SUPT3H: variants seen among roughly 807,000 people sequenced by gnomAD.
SUPT3H encodes SPT3 homolog, SAGA and STAGA complex component.
A neutral mutation model predicts 44.3 loss-of-function variants in SUPT3H; 44 were observed. The observed-to-expected ratio is 0.99, with a 90% CI of 0.78 to 1.28. The LOEUF (loss-of-function observed/expected upper bound fraction) is 1.28, where lower values mean the gene tolerates loss of function less well. SUPT3H is among the 50% of genes most tolerant of loss of function. The pLI, the probability that SUPT3H is intolerant of heterozygous loss-of-function variation, is 0.00. For missense variants in SUPT3H, 380 were observed against 387.1 expected, an observed-to-expected ratio of 0.98 and a Z score of 0.15; for synonymous variants, 124 against 125.6, an observed-to-expected ratio of 0.99 and a Z score of 0.09.
intron 10 of SUPT3H, among the ~76,000 whole-genome samples, chr6:44,896,938 G>T (rs1185686206): frequency 6.6e-6 from 1 of 152,154 alleles, no homozygotes; most frequent in Non-Finnish European, 1.5e-5. Context: ...TTAGGGCACT[G>T]TGCCAAAGCG....
chr6:45,115,345 T>C (rs1009629342), intron 2 of SUPT3H, among the ~76,000 whole-genome samples: 14 of 152,148 alleles, frequency 9.2e-5, no homozygotes, highest in Non-Finnish European at 1.5e-4. Flanking sequence ...AAATATGGCA[T>C]ACTGCAACAA....
intron 6 of SUPT3H, among the ~76,000 whole-genome samples, chr6:45,003,210 C>T (rs189099138): frequency 0.018 from 2,671 of 152,204 alleles, 52 homozygotes; most frequent in South Asian, 0.086. Context: ...GGGTACTACC[C>T]TAGCTAGTAA....
chr6:45,322,015 T>C, intron 2 of SUPT3H: 2 of 601,064 alleles, frequency 3.3e-6, no homozygotes, highest in Non-Finnish European at 2.9e-6. Context: ...GAAGTTTTAA[T>C]ATTGTTAATA....
At chr6:45,178,571 G>C (rs1025554531) in intron 2 of SUPT3H, among the ~76,000 whole-genome samples, 2 of 151,840 alleles carry the variant, frequency 1.3e-5, no homozygotes, top group African/African-American at 4.8e-5. Flanking sequence ...GGACCTAATA[G>C]ACATCTACAG....
Position 45,302,131 on chromosome 6 carries a change from C to A in SUPT3H, c.101+63070G>T, listed in dbSNP as rs200757460. 1.1e-4 allele frequency among the ~76,000 whole-genome samples: 16 copies of A among 152,006 alleles called. No homozygotes were observed. The East Asian group carries it at 1.9e-3, about 18-fold the overall frequency. On this transcript the variant is annotated intron_variant, in intron 2 of 10. Transcript: ENST00000371459. ...AATAAATTTATTTCCATAGGCTTTG[C>A]GGGGGAAAGGTGGTATTTGGTCACA...
chr6:45,063,447 A>G (rs1248474771), intron 3 of SUPT3H, among the ~76,000 whole-genome samples: 1 of 148,896 alleles, frequency 6.7e-6, no homozygotes, highest in Non-Finnish European at 1.5e-5. Flanking sequence ...CAACGGAACA[A>G]AGCTGGACGG....
At chr6:44,837,188 T>A (rs1257328014) in intron 10 of SUPT3H, among the ~76,000 whole-genome samples, 2 of 151,688 alleles carry the variant, frequency 1.3e-5, no homozygotes, top group Non-Finnish European at 2.9e-5. Flanking sequence ...TTGGCAGGAG[T>A]TAGTAACCCA....
intron 5 of SUPT3H, among the ~76,000 whole-genome samples, chr6:45,004,239 A>T (rs1782396272): frequency 6.6e-6 from 1 of 152,120 alleles, no homozygotes; most frequent in Admixed American, 6.6e-5. Flanking sequence ...AAGACCAAAA[A>T]CACTAAAGGA....
At position 45,041,769 on chromosome 6, in the gene SUPT3H, C is replaced by A. The variant is rs552342187; in HGVS notation, c.187-21137G>T. Among the ~76,000 whole-genome samples, 11 of 152,228 alleles carry A rather than the reference C, an allele frequency of 7.2e-5. 1 individual carries two copies. In the South Asian group the frequency reaches 2.3e-3, roughly 32 times the overall value. On this transcript the variant is annotated intron_variant, in intron 3 of 10. Transcript: ENST00000371459. ...AGGTACAGGTAAAATTAAGTGTCTC[C>A]TACCAATAGGATATTGTAAAGATAT...
chr6:44,964,524 A>G (rs1776512464), intron 6 of SUPT3H, among the ~76,000 whole-genome samples: 1 of 152,182 alleles, frequency 6.6e-6, no homozygotes, highest in Non-Finnish European at 1.5e-5. Flanking sequence ...TTGTCGTCAG[A>G]GGTTAAGGTT....
intron 10 of SUPT3H, among the ~76,000 whole-genome samples, chr6:44,911,435 G>A (rs1054442666): frequency 3.3e-5 from 5 of 152,072 alleles, no homozygotes; most frequent in African/African-American, 7.2e-5. Flanking sequence ...TTCAAAAGAC[G>A]ATGCATTACT....
intron 10 of SUPT3H, among the ~76,000 whole-genome samples, chr6:44,917,148 T>A (rs911457652): frequency 2.2e-4 from 33 of 151,994 alleles, no homozygotes; most frequent in African/African-American, 7.2e-4. Context: ...AGTGAGACCC[T>A]GTCTCAAAAA....
chr6:45,331,814 A>G (rs1181324316), intron 2 of SUPT3H, among the ~76,000 whole-genome samples: 1 of 151,980 alleles, frequency 6.6e-6, no homozygotes. Flanking sequence ...TCTTAAAAGA[A>G]CAAAATATTA....
chr6:45,023,318 T>C (rs140919150), intron 3 of SUPT3H, among the ~76,000 whole-genome samples: 222 of 151,820 alleles, frequency 1.5e-3, no homozygotes, highest in African/African-American at 5.0e-3. Context: ...GGAACACTTA[T>C]ACACTGTTAA....
chr6:44,994,247 A>G (rs554100046), intron 6 of SUPT3H, among the ~76,000 whole-genome samples: 1 of 152,242 alleles, frequency 6.6e-6, no homozygotes, highest in East Asian at 1.9e-4. Context: ...ATTGACTTAA[A>G]AAATCTCAAT....
At chr6:45,015,278 G>C (rs1467395333) in intron 4 of SUPT3H, among the ~76,000 whole-genome samples, 1 of 152,080 alleles carries the variant, frequency 6.6e-6, no homozygotes, top group Non-Finnish European at 1.5e-5. Flanking sequence ...CTATTCATGG[G>C]CTACAAACTG....
chr6:45,070,268 T>G (rs1482264535), intron 3 of SUPT3H, among the ~76,000 whole-genome samples: 1 of 152,210 alleles, frequency 6.6e-6, no homozygotes, highest in East Asian at 1.9e-4. Context: ...TGATTGAAGT[T>G]ATAACACATT....
Position 44,839,771 on chromosome 6 carries a change from G to A in SUPT3H, c.913-9914C>T, listed in dbSNP as rs530493356. On this transcript the variant is annotated intron_variant, in intron 10 of 10. Transcript: ENST00000371459. ...GGCTGGAGTGCAGTGGCGCCATCTC[G>A]GCTCACTGCAAGCTCCACCTCCCGG... Among the ~76,000 whole-genome samples, 552 of 151,418 alleles carry A rather than the reference G, an allele frequency of 3.6e-3. 8 individuals are homozygous for A. Among genetic ancestry groups the A allele is most frequent in the African/African-American group, 0.012 (514 of 41,258 alleles).
chr6:45,100,188 T>A (rs187278230), intron 3 of SUPT3H, among the ~76,000 whole-genome samples: 17 of 152,172 alleles, frequency 1.1e-4, no homozygotes, highest in Admixed American at 2.0e-4. Flanking sequence ...GGAAAATATT[T>A]CATGAAATGG....
Sources: gnomAD v4.1 joint callset for allele counts (sites outside exome capture counted in the v4.1 genomes callset) on GRCh38, gnomAD v4.1.1 for gene constraint, MANE v1.5 for transcripts, NCBI Gene and HGNC (gene_info 2026-07-23, HGNC 2026-07-21) for gene names.